THSD7A: variants seen among roughly 807,000 people sequenced by gnomAD.
THSD7A encodes thrombospondin type-1 domain-containing protein 7A.
THSD7A carries 96 observed loss-of-function variants against 231.3 expected under a neutral mutation model. That is an observed-to-expected ratio of 0.41 (90% confidence interval 0.35 to 0.49). THSD7A has a LOEUF of 0.49. THSD7A is among the 20% of genes least tolerant of loss of function. The pLI, the probability that THSD7A is intolerant of heterozygous loss-of-function variation, is 0.05. For missense variants in THSD7A, 2,290 were observed against 2,070.2 expected, an observed-to-expected ratio of 1.11 and a Z score of -2.06; for synonymous variants, 940 against 743.3, an observed-to-expected ratio of 1.26 and a Z score of -4.30.
At position 11,447,557 on chromosome 7, in the gene THSD7A, A is replaced by G. The variant is rs1050987336; in HGVS notation, c.2606-133T>C. 1.0e-5 allele frequency: 7 copies of G among 687,426 alleles called. No homozygotes were observed. The African/African-American group carries it at 1.1e-4, about 11-fold the overall frequency. The allele number at this position is 687,426 out of a possible 1,614,324, so 42.6% of individuals were successfully genotyped here. A position where few individuals can be genotyped will look rare whatever the true frequency, so the allele number is the denominator to read the frequency against. On this transcript the variant is annotated intron_variant, in intron 11 of 27. Transcript: ENST00000423059. ...GTTCCTTACTTACAGTAGAAATCTTATAGGAGTGTTTCTAATAATCCCAGT... is the reference window on the plus strand; with the variant it reads ...GTTCCTTACTTACAGTAGAAATCTTGTAGGAGTGTTTCTAATAATCCCAGT...
intron 13 of THSD7A, among the ~76,000 whole-genome samples, chr7:11,442,337 T>C (rs1784832300): frequency 6.6e-6 from 1 of 152,008 alleles, no homozygotes; most frequent in African/African-American, 2.4e-5. Context: ...AATAATATAA[T>C]TAAGCTGGTA....
At chr7:11,679,213 C>T (rs1208378460) in intron 1 of THSD7A, among the ~76,000 whole-genome samples, 1 of 152,098 alleles carries the variant, frequency 6.6e-6, no homozygotes, top group Non-Finnish European at 1.5e-5. Flanking sequence ...ATAATAAGAG[C>T]TATTTATGAC....
chr7:11,470,005 A>G lies in THSD7A; in HGVS notation c.2253-11T>C, dbSNP rs1457189068. 1 of 1,529,542 alleles carries G rather than the reference A, an allele frequency of 6.5e-7. No individual in the cohort carries two copies. The highest frequency in any genetic ancestry group is 1.4e-5 in the African/African-American group (1 of 73,578). The allele number at this position is 1,529,542 out of a possible 1,614,324, so 94.7% of individuals were successfully genotyped here. Reference sequence around the variant, plus strand: ...AGGCTTTCAGGACATCTAGAAAGGCAAAGGGGAATTATTAGGCTTCAATAG... The same window carrying G: ...AGGCTTTCAGGACATCTAGAAAGGCGAAGGGGAATTATTAGGCTTCAATAG... On this transcript the variant is annotated splice_polypyrimidine_tract_variant and intron_variant, in intron 8 of 27. Transcript: ENST00000423059.
At chr7:11,598,933 T>G (rs1297516621) in intron 2 of THSD7A, among the ~76,000 whole-genome samples, 1 of 152,184 alleles carries the variant, frequency 6.6e-6, no homozygotes, top group Non-Finnish European at 1.5e-5. Flanking sequence ...TTTGGGCTCC[T>G]TCTACCTTTA....
intron 4 of THSD7A, among the ~76,000 whole-genome samples, chr7:11,568,356 C>A (rs1472062321): frequency 1.3e-5 from 2 of 152,030 alleles, no homozygotes. Context: ...GAATGAGTTT[C>A]TTTTCCTTAA....
In THSD7A at chr7:11,769,151, A is replaced by ATTT. The variant is rs1422492872; in HGVS notation, c.190+62605_190+62606insAAA. On this transcript the variant is annotated intron_variant, in intron 1 of 27. Coordinates refer to ENST00000423059, the MANE Select transcript of THSD7A (RefSeq NM_015204.3). ...TATATATATATATATATATATATATATATTTTTTTTTTTTTTTGGTATTTT... is the reference window on the plus strand; with the variant it reads ...TATATATATATATATATATATATATATTTTATTTTTTTTTTTTTTTGGTATTTT... Among the ~76,000 whole-genome samples, 26 of 35,464 alleles carry ATTT rather than the reference A, an allele frequency of 7.3e-4. 1 individual carries two copies. The highest frequency in any genetic ancestry group is 1.2e-3 in the Non-Finnish European group (20 of 16,636). The allele number at this position is 35,464 out of a possible 152,430, so 23.3% of individuals were successfully genotyped here. A position where few individuals can be genotyped will look rare whatever the true frequency, so the allele number is the denominator to read the frequency against.
rs566304521 is a variant in THSD7A, at chr7:11,763,628, G to A, written c.190+68129C>T. Among the ~76,000 whole-genome samples the A allele has an allele frequency of 2.6e-5, 4 of 152,148 alleles. No individual in the cohort carries two copies. The East Asian group carries it at 7.7e-4, about 29-fold the overall frequency. ...GTAGATGAATTAATAAGACTTCTTA[G>A]TGTTTATAACTTAAACAGTAAGAAA... On this transcript the variant is annotated intron_variant, in intron 1 of 27. Transcript: ENST00000423059.
In THSD7A at chr7:11,386,695, G is replaced by T. The variant is rs192992215; in HGVS notation, c.4412-4079C>A. On this transcript the variant is annotated intron_variant, in intron 23 of 27. Coordinates refer to ENST00000423059, the MANE Select transcript of THSD7A (RefSeq NM_015204.3). Reference sequence around the variant, plus strand: ...CTCTGATGATAGTTTCTTTTGCTGTGCAGAAGTTCTTTAGTTTAATTAGAT... The same window carrying T: ...CTCTGATGATAGTTTCTTTTGCTGTTCAGAAGTTCTTTAGTTTAATTAGAT... Among the ~76,000 whole-genome samples, 511 of 152,322 alleles carry T rather than the reference G, an allele frequency of 3.4e-3. 1 individual carries two copies. The highest frequency in any genetic ancestry group is 5.4e-3 in the Admixed American group (83 of 15,292).
Position 11,446,841 on chromosome 7 carries a change from G to T in THSD7A, c.2800+389C>A, listed in dbSNP as rs181406825. 1.3e-5 allele frequency among the ~76,000 whole-genome samples: 2 copies of T among 152,192 alleles called. No homozygotes were observed. Reference sequence around the variant, plus strand: ...TACAATTTTCAGATACAGAATTAATGCTATATTCCCCCTTCTAGGTGAGAA... The same window carrying T: ...TACAATTTTCAGATACAGAATTAATTCTATATTCCCCCTTCTAGGTGAGAA... On this transcript the variant is annotated intron_variant, in intron 12 of 27. Coordinates refer to ENST00000423059, the MANE Select transcript of THSD7A (RefSeq NM_015204.3). This position sits in a 1 kb window ranked among gnomAD's most constrained non-coding sequence, Gnocchi z 4.0.
chr7:11,590,169 A>G lies in THSD7A; in HGVS notation c.1453+291T>C, dbSNP rs1780095999. ...TATATTTACAGATAAATTTTCGTCTAGTTTTTACATTATTCCTGCTAAACT... is the reference window on the plus strand; with the variant it reads ...TATATTTACAGATAAATTTTCGTCTGGTTTTTACATTATTCCTGCTAAACT... On this transcript the variant is annotated intron_variant, in intron 4 of 27. Transcript: ENST00000423059. This position sits in a 1 kb window ranked among gnomAD's most constrained non-coding sequence, Gnocchi z 4.4. 6.6e-6 allele frequency among the ~76,000 whole-genome samples: 1 copy of G among 152,212 alleles called. No homozygotes were observed. The highest frequency in any genetic ancestry group is 1.5e-5 in the Non-Finnish European group (1 of 68,026).
chr7:11,762,766 T>C (rs1782906033), intron 1 of THSD7A, among the ~76,000 whole-genome samples: 1 of 151,990 alleles, frequency 6.6e-6, no homozygotes, highest in South Asian at 2.1e-4. Flanking sequence ...AGGTGAAAGA[T>C]CTCTACAAAC....
chr7:11,469,113 T>C (rs1379495897), intron 9 of THSD7A, among the ~76,000 whole-genome samples: 3 of 151,962 alleles, frequency 2.0e-5, no homozygotes, highest in Non-Finnish European at 4.4e-5. Flanking sequence ...ATGAAAAAAA[T>C]AAAAGCATAC....
chr7:11,533,299 G>T (rs1788780619), intron 6 of THSD7A, among the ~76,000 whole-genome samples: 1 of 152,070 alleles, frequency 6.6e-6, no homozygotes, highest in African/African-American at 2.4e-5. Context: ...TATGGAAAAG[G>T]AAAGATATTT....
intron 4 of THSD7A, among the ~76,000 whole-genome samples, chr7:11,573,380 G>T (rs1562733248): frequency 6.6e-6 from 1 of 152,040 alleles, no homozygotes; most frequent in Non-Finnish European, 1.5e-5. Context: ...AAAATTTCCA[G>T]CCAATTCCTA....
intron 1 of THSD7A, among the ~76,000 whole-genome samples, chr7:11,813,676 G>A (rs570512780): frequency 2.6e-5 from 4 of 151,472 alleles, no homozygotes; most frequent in East Asian, 2.0e-4. Flanking sequence ...TAGCACCACC[G>A]CACTCTAGCC....
chr7:11,654,196 G>T (rs1179041749), intron 1 of THSD7A, among the ~76,000 whole-genome samples: 2 of 151,878 alleles, frequency 1.3e-5, no homozygotes, highest in Non-Finnish European at 2.9e-5. Flanking sequence ...TTAAGAATTA[G>T]ATTCTTTGAT....
Position 11,590,686 on chromosome 7 carries a change from G to A in THSD7A, c.1272-45C>T. 1 of 1,546,990 alleles carries A rather than the reference G, an allele frequency of 6.5e-7. No individual in the cohort carries two copies. The highest frequency in any genetic ancestry group is 8.7e-7 in the Non-Finnish European group (1 of 1,147,336). On this transcript the variant is annotated intron_variant, in intron 3 of 27. Coordinates refer to ENST00000423059, the MANE Select transcript of THSD7A (RefSeq NM_015204.3). This position sits in a 1 kb window ranked among gnomAD's most constrained non-coding sequence, Gnocchi z 4.4. ...CCAGCAGCAACCATAATTATTGAAT[G>A]ACGTGTTTCTCTACTCCTGTCATAC...
chr7:11,698,135 AATGT>A (rs1372983555), intron 1 of THSD7A, among the ~76,000 whole-genome samples: 2 of 151,304 alleles, frequency 1.3e-5, no homozygotes, highest in South Asian at 4.1e-4. Context: ...CAATTTGTTG[AATGT>A]ATGTATGTAT....
rs1369164131 is a variant in THSD7A, at chr7:11,636,059, T to C, written c.1022+71A>G. 3.6e-6 allele frequency: 5 copies of C among 1,391,612 alleles called. No individual in the cohort carries two copies. Among genetic ancestry groups the C allele is most frequent in the Non-Finnish European group, 4.9e-6 (5 of 1,012,362 alleles). The allele number at this position is 1,391,612 out of a possible 1,614,324, so 86.2% of individuals were successfully genotyped here. A position where few individuals can be genotyped will look rare whatever the true frequency, so the allele number is the denominator to read the frequency against. The stretch of plus-strand genomic sequence containing the variant: ...ACGTAATCCAGAAGTTATTAGATAG[T>C]ACCGGATATCTTAGGTACTCATGAT... On this transcript the variant is annotated intron_variant, in intron 2 of 27. Transcript: ENST00000423059. The surrounding 1 kb of genome is among the most constrained non-coding windows in gnomAD (Gnocchi z 10.0).
Sources: allele counts gnomAD v4.1 joint callset (sites outside exome capture counted in the v4.1 genomes callset), GRCh38; gene constraint gnomAD v4.1.1; non-coding constraint Gnocchi (gnomAD v3.1); transcripts MANE v1.5; gene names NCBI Gene and HGNC (gene_info 2026-07-23, HGNC 2026-07-21).